Variants in ERBB4 observed in about 807,000 individuals in gnomAD.
The protein encoded by ERBB4 is receptor tyrosine-protein kinase erbB-4.
A neutral mutation model predicts 158.0 loss-of-function variants in ERBB4; 42 were observed. That is an observed-to-expected ratio of 0.27 (90% CI 0.21 to 0.34). The LOEUF is 0.34. Among genes scored for constraint, ERBB4 ranks in the 10% least tolerant of loss-of-function variants. The pLI is 1.00. For missense variants in ERBB4, 1,333 were observed against 1,624.1 expected (o/e 0.82, Z 3.08); for synonymous variants, 583 against 558.7 (o/e 1.04, Z -0.61).
intron 1 of ERBB4, among the ~76,000 whole-genome samples, chr2:212,137,933 T>C (rs574349635): frequency 7.2e-5 from 11 of 152,306 alleles, no homozygotes; most frequent in African/African-American, 2.6e-4. Flanking sequence ...GTTTATTCGT[T>C]CTGTCACGTA....
intron 3 of ERBB4, among the ~76,000 whole-genome samples, chr2:211,842,407 C>A (rs1384470440): frequency 3.5e-5 from 5 of 142,964 alleles, no homozygotes. Context: ...ACAATTCATT[C>A]AAACTTGAGA....
At chr2:211,675,725 C>A (rs2072035112) in intron 13 of ERBB4, among the ~76,000 whole-genome samples, 1 of 146,206 alleles carries the variant, frequency 6.8e-6, no homozygotes, top group Admixed American at 6.9e-5. Flanking sequence ...TTTAGGATTT[C>A]TTCTCTTCTG....
intron 4 of ERBB4, among the ~76,000 whole-genome samples, chr2:211,764,757 AC>A (rs75826652): frequency 0.026 from 3,959 of 152,300 alleles, 239 homozygotes; most frequent in East Asian, 0.19. Flanking sequence ...AGGGAAGAGC[AC>A]CCAAAATATA....
intron 1 of ERBB4, among the ~76,000 whole-genome samples, chr2:212,170,073 G>A (rs2081468859): frequency 6.6e-6 from 1 of 152,146 alleles, no homozygotes; most frequent in African/African-American, 2.4e-5. Flanking sequence ...ATGGGCAGAG[G>A]TTGGAACAAT....
intron 5 of ERBB4, among the ~76,000 whole-genome samples, chr2:211,743,111 T>C (rs1366573474): frequency 6.6e-6 from 1 of 152,192 alleles, no homozygotes; most frequent in Non-Finnish European, 1.5e-5. Flanking sequence ...AATTTTGCTG[T>C]ATTTCAACTT....
chr2:212,011,092 T>C (rs187728732), intron 2 of ERBB4, among the ~76,000 whole-genome samples: 2 of 152,314 alleles, frequency 1.3e-5, no homozygotes, highest in South Asian at 4.1e-4. Flanking sequence ...TACAATCAAT[T>C]TGTACAGCTA....
intron 1 of ERBB4, among the ~76,000 whole-genome samples, chr2:212,135,025 A>G (rs1245285342): frequency 2.0e-5 from 3 of 152,192 alleles, no homozygotes. Context: ...CCTAATGAAA[A>G]GAACTTTTGG....
At chr2:212,512,370 A>AG (rs1560521686) in intron 1 of ERBB4, among the ~76,000 whole-genome samples, 4 of 151,976 alleles carry the variant, frequency 2.6e-5, no homozygotes. Context: ...ACAAAAAAAA[A>AG]CAAATATGAT....
At chr2:212,118,989 ATTAC>A (rs2079657926) in intron 2 of ERBB4, among the ~76,000 whole-genome samples, 1 of 151,940 alleles carries the variant, frequency 6.6e-6, no homozygotes, top group African/African-American at 2.4e-5. Flanking sequence ...ATCTTTATAT[ATTAC>A]TTTATTTTTA....
At chr2:211,916,757 T>A (rs1218772844) in intron 3 of ERBB4, among the ~76,000 whole-genome samples, 1 of 152,158 alleles carries the variant, frequency 6.6e-6, no homozygotes, top group Non-Finnish European at 1.5e-5. Flanking sequence ...TTTGAAAATA[T>A]CTGTTAAAAT....
chr2:211,560,938 AT>A (rs879683248), intron 20 of ERBB4, among the ~76,000 whole-genome samples: 2 of 152,172 alleles, frequency 1.3e-5, no homozygotes, highest in Non-Finnish European at 2.9e-5. Context: ...CTATGTTATT[AT>A]TTTGGCATTT....
At chr2:211,530,919 C>A (rs1474856687) in intron 20 of ERBB4, among the ~76,000 whole-genome samples, 2 of 151,966 alleles carry the variant, frequency 1.3e-5, no homozygotes, top group African/African-American at 2.4e-5. Context: ...AATTATATTA[C>A]AGAGCTCTAG....
At chr2:211,445,660 G>A (rs998807564) in intron 20 of ERBB4, among the ~76,000 whole-genome samples, 18 of 152,116 alleles carry the variant, frequency 1.2e-4, no homozygotes, top group Non-Finnish European at 7.4e-5. Context: ...GGGAATATTA[G>A]CAACCTGGTG....
intron 20 of ERBB4, among the ~76,000 whole-genome samples, chr2:211,498,693 CT>C (rs1420854141): frequency 6.6e-6 from 1 of 152,104 alleles, no homozygotes; most frequent in African/African-American, 2.4e-5. Context: ...CAGCAGGAAA[CT>C]AAAAACGGGG....
Position 211,697,177 on chromosome 2 carries a change from T to C in ERBB4, c.1489+4790A>G, listed in dbSNP as rs147577715. Among the ~76,000 whole-genome samples the C allele has an allele frequency of 3.2e-3, 490 of 152,308 alleles. 4 individuals are homozygous for C. Among genetic ancestry groups the C allele is most frequent in the African/African-American group, 0.011 (463 of 41,564 alleles). ...GTTGTAATAACTAAATTAAACAATA[T>C]AGCTAGGTTGAGAGATAGAGTCTGG... On this transcript the variant is annotated intron_variant, in intron 12 of 27. Coordinates refer to ENST00000342788, the MANE Select transcript of ERBB4 (RefSeq NM_005235.3).
intron 25 of ERBB4, among the ~76,000 whole-genome samples, chr2:211,405,781 G>GTTAACTTCAC (rs2063133686): frequency 6.6e-6 from 1 of 152,092 alleles, no homozygotes; most frequent in Non-Finnish European, 1.5e-5. Context: ...CAAATTATGA[G>GTTAACTTCAC]TTAACTTCAC....
At position 211,745,735 on chromosome 2, in the gene ERBB4, C is replaced by CA. The variant is rs796195650; in HGVS notation, c.622+4903dup. Among the ~76,000 whole-genome samples, 177 of 139,564 alleles carry CA rather than the reference C, an allele frequency of 1.3e-3. 2 individuals carry two copies. The highest frequency in any genetic ancestry group is 2.0e-3 in the Non-Finnish European group (129 of 64,488). 91.6% of individuals were successfully genotyped at this position (139,564 alleles called of 152,430 possible). A position where few individuals can be genotyped will look rare whatever the true frequency, so the allele number is the denominator to read the frequency against. ...CGCCAGAAAAAAAACAAAAACAAAACAAAAAAAACCCTTAGGTAAGTATAC... is the reference window on the plus strand; with the variant it reads ...CGCCAGAAAAAAAACAAAAACAAAACAAAAAAAAACCCTTAGGTAAGTATAC... On this transcript the variant is annotated intron_variant, in intron 5 of 27. Coordinates refer to ENST00000342788, the MANE Select transcript of ERBB4 (RefSeq NM_005235.3).
At position 211,561,603 on chromosome 2, in the gene ERBB4, C is replaced by G. The variant is rs1044613245; in HGVS notation, c.2487+300G>C. 2.0e-5 allele frequency among the ~76,000 whole-genome samples: 3 copies of G among 152,168 alleles called. 1 individual carries two copies. Among genetic ancestry groups the G allele is most frequent in the South Asian group, 4.1e-4 (2 of 4,822 alleles). ...ATTTTATTAGTTAACTAGACTATAC[C>G]GAAACAAATAAGCCAAACAAATCCA... On this transcript the variant is annotated intron_variant, in intron 20 of 27. Transcript: ENST00000342788.
At chr2:211,847,005 T>C (rs914665839) in intron 3 of ERBB4, among the ~76,000 whole-genome samples, 28 of 152,240 alleles carry the variant, frequency 1.8e-4, no homozygotes, top group African/African-American at 5.8e-4. Flanking sequence ...GTAAGACATA[T>C]GGAAGTTAAG....
Sources: gnomAD v4.1 joint callset for allele counts (sites outside exome capture counted in the v4.1 genomes callset) on GRCh38, gnomAD v4.1.1 for gene constraint, MANE v1.5 for transcripts, NCBI Gene and HGNC (gene_info 2026-07-23, HGNC 2026-07-21) for gene names.